Variants in LBR observed in about 807,000 individuals in gnomAD.
The protein encoded by LBR is delta(14)-sterol reductase LBR.
Under a neutral mutation model 74.3 loss-of-function variants are expected in LBR, and 28 were observed. That is an observed-to-expected ratio of 0.38 (90% CI 0.28 to 0.52). The LOEUF (loss-of-function observed/expected upper bound fraction) is 0.52. Ranked by LOEUF, LBR falls within the 20% of genes least tolerant of loss-of-function variation. The probability of loss-of-function intolerance (pLI) is 0.89; values close to 1 mark genes in which losing one functional copy is unlikely to be tolerated. For missense variants in LBR, 717 were observed against 760.3 expected, an observed-to-expected ratio of 0.94 and a Z score of 0.67; for synonymous variants, 228 against 269.3, an observed-to-expected ratio of 0.85 and a Z score of 1.50.
At chr1:225,419,634 T>C (rs769491218) in intron 4 of LBR, 81 bp downstream of exon 4, 10 of 1,100,244 alleles carry the variant, frequency 9.1e-6, no homozygotes, top group South Asian at 1.3e-5. Flanking sequence ...CAATTTTCAA[T>C]GTGCTTCTCA....
rs538103502 is a variant in LBR at position 225,417,980 on chromosome 1, G to A, written c.837+4C>T. The A allele has an allele frequency of 1.1e-4, 176 of 1,612,944 alleles. 1 individual carries two copies. The South Asian group carries it at 1.7e-3, about 15-fold the overall frequency. On this transcript the variant is annotated splice_donor_region_variant and intron_variant, in intron 6 of 13. Coordinates refer to ENST00000272163, the MANE Select transcript of LBR (RefSeq NM_002296.4). Reference sequence around the variant, plus strand: ...AAAACAAAACAGAATTACCATAAACGTACCTTTCCAATTGGCAGTAGGTAG... The same window carrying A: ...AAAACAAAACAGAATTACCATAAACATACCTTTCCAATTGGCAGTAGGTAG...
intron 8 of LBR, among the ~76,000 whole-genome samples, 178 bp downstream of exon 8, chr1:225,412,270 CAAAAAT>C (rs1188157616): frequency 6.6e-6 from 1 of 152,146 alleles, no homozygotes; most frequent in Non-Finnish European, 1.5e-5. Context: ...GAAGGTAAAA[CAAAAAT>C]ATTTTCTTCC....
chr1:225,403,142 A>C lies in LBR; in HGVS notation c.*161T>G, dbSNP rs2096084435. On this transcript the variant is annotated 3_prime_UTR_variant, in exon 14 of 14. Coordinates refer to ENST00000272163, the MANE Select transcript of LBR (RefSeq NM_002296.4). ...AGTTAATACAAGTAAACACGGCTAT[A>C]TTAAAAGATCAACTACTCGGCTCCA... is the stretch of plus-strand genomic sequence containing the variant. 1.6e-6 allele frequency: 1 copy of C among 641,844 alleles called. No homozygotes were observed. Among genetic ancestry groups the C allele is most frequent in the Non-Finnish European group, 2.7e-6 (1 of 365,438 alleles). 39.8% of individuals were successfully genotyped at this position (641,844 alleles called of 1,614,324 possible).
Position 225,406,736 on chromosome 1 carries a change from G to C in LBR, c.1411C>G (p.Gln471Glu). The C allele has an allele frequency of 2.5e-6, 4 of 1,614,126 alleles. No homozygotes were observed. The highest frequency in any genetic ancestry group is 3.4e-6 in the Non-Finnish European group (4 of 1,180,004). The change falls in exon 11 of 14, where the codon CAA (glutamine) becomes GAA (glutamate). Residue 471 changes from glutamine to glutamate, a missense_variant. Gln to Glu is a conservative substitution (Grantham distance 29, BLOSUM62 2). Transcript: ENST00000272163. Reference sequence around the variant, plus strand: ...GGATGACTGACTAAATAAAAGGCTTGGAAGCTGTAAATAAAGGGAACCCAC... The same window carrying C: ...GGATGACTGACTAAATAAAAGGCTTCGAAGCTGTAAATAAAGGGAACCCAC... Reference protein sequence around the residue: ...LVWVPFIYSFQAFYLVSHPNE... With the variant: ...LVWVPFIYSFEAFYLVSHPNE...
intron 11 of LBR, among the ~76,000 whole-genome samples, chr1:225,405,195 C>G (rs1234306105): frequency 6.6e-6 from 1 of 152,206 alleles, no homozygotes; most frequent in Non-Finnish European, 1.5e-5. Flanking sequence ...CCAAAACATC[C>G]TGCACTTTAA....
At chr1:225,413,855 C>A (rs940794275) in intron 7 of LBR, 1 of 417,382 alleles carries the variant, frequency 2.4e-6, no homozygotes, top group South Asian at 1.7e-5. Context: ...GCCACTCCCC[C>A]ACTGGCTCCA....
In LBR at chr1:225,403,430, A is replaced by G; in HGVS notation, c.1721T>C (p.Ile574Thr). Residue 574 changes from isoleucine (I) to threonine (T), a missense_variant, in exon 14 of 14, where the codon ATT becomes ACT. Physicochemically the swap from Ile to Thr is moderately conservative, Grantham distance 89. Coordinates refer to ENST00000272163, the MANE Select transcript of LBR (RefSeq NM_002296.4). ...FNHILPYFYI[I>T]YFTMLLVHRE... is the part of the protein sequence containing the mutation. ...GTGGACAAGCAACATGGTGAAATAA[A>G]TTATGTAGAAATAAGGCAGAATGTG... 5 of 1,613,014 alleles carry G rather than the reference A, an allele frequency of 3.1e-6. No homozygotes were observed. Among genetic ancestry groups the G allele is most frequent in the Non-Finnish European group, 4.2e-6 (5 of 1,179,006 alleles).
upstream of LBR, chr1:225,428,066 T>C (rs2150963545): frequency 6.6e-6 from 1 of 151,720 alleles, no homozygotes; most frequent in Admixed American, 6.6e-5. Flanking sequence ...CGCCCCGCAG[T>C]CCCGCAAGCC....
rs758598090 is a variant in LBR, at chr1:225,406,665, T to C, written c.1482A>G (p.Lys494=). ...WPMASLIIVL[K]LCGYVIFRGA... ...ACTGAGACTAAAATTAATACTCACG[T>C]TTCAGAACAATAATTAGAGAAGCCA... is the stretch of plus-strand genomic sequence containing the variant. Residue 494 remains lysine, a splice_region_variant and synonymous_variant, in exon 11 of 14, where the codon AAA becomes AAG. Transcript: ENST00000272163. The C allele has an allele frequency of 2.5e-6, 4 of 1,610,156 alleles. No homozygotes were observed. The East Asian group carries it at 8.9e-5, about 36-fold the overall frequency.
At chr1:225,424,202 T>C (rs1161718256) in intron 1 of LBR, 113 bp from the exon 2 acceptor site, 6 of 848,496 alleles carry the variant, frequency 7.1e-6, no homozygotes, top group Non-Finnish European at 1.2e-5. Context: ...TGGTCAGGAT[T>C]TTAGGGCCAG....
upstream of LBR, chr1:225,428,734 G>A (rs556039503): frequency 9.8e-5 from 15 of 152,332 alleles, no homozygotes; most frequent in African/African-American, 2.9e-4. Flanking sequence ...GTTGTTACCC[G>A]AGATGCTGTC....
chr1:225,420,234 C>T (rs907260018), intron 3 of LBR, among the ~76,000 whole-genome samples: 1 of 149,300 alleles, frequency 6.7e-6, no homozygotes, highest in Non-Finnish European at 1.5e-5. Context: ...CTCTTGAACC[C>T]GGAGACGGAG....
chr1:225,427,253 G>A (rs1361159185), intron 1 of LBR: 1 of 152,190 alleles, frequency 6.6e-6, no homozygotes, highest in African/African-American at 2.4e-5. Flanking sequence ...GCTGTCATTA[G>A]AACATTTTTC....
upstream of LBR, among the ~76,000 whole-genome samples, chr1:225,428,519 C>T (rs1373611435): frequency 1.3e-5 from 2 of 152,196 alleles, no homozygotes; most frequent in Non-Finnish European, 2.9e-5. Context: ...CGGTAAAACA[C>T]TATGAGTGCC....
chr1:225,405,526 G>A (rs1438619784), intron 11 of LBR, among the ~76,000 whole-genome samples: 1 of 152,120 alleles, frequency 6.6e-6, no homozygotes, highest in African/African-American at 2.4e-5. Context: ...TGTTATAAAA[G>A]TATGTTCAGC....
intron 6 of LBR, among the ~76,000 whole-genome samples, chr1:225,416,213 A>AAAGAGAG (rs1553397400): frequency 2.9e-5 from 4 of 137,860 alleles, no homozygotes; most frequent in African/African-American, 1.1e-4. Context: ...AAAAAAAAAA[A>AAAGAGAG]AGAGAGAGAG....
At chr1:225,416,186 G>A (rs2096116724) in intron 6 of LBR, among the ~76,000 whole-genome samples, 1 of 147,972 alleles carries the variant, frequency 6.8e-6, no homozygotes, top group Non-Finnish European at 1.5e-5. Context: ...AACAGAGCAA[G>A]ACCCTGTCTC....
At chr1:225,417,555 T>C (rs76081334) in intron 6 of LBR, 15,499 of 159,102 alleles carry the variant, frequency 0.097, 876 homozygotes, top group South Asian at 0.13. Context: ...TCGAGCCCAG[T>C]AGCCTATCAA....
intron 8 of LBR, 53 bp downstream of exon 8, chr1:225,412,398 GGCT>G (rs2096107670): frequency 6.6e-7 from 1 of 1,510,284 alleles, no homozygotes; most frequent in Non-Finnish European, 9.2e-7. Context: ...ATCTGGAAAT[GGCT>G]GCTGGAGGGC....
Sources: gnomAD v4.1 joint callset for allele counts (sites outside exome capture counted in the v4.1 genomes callset) on GRCh38, gnomAD v4.1.1 for gene constraint, MANE v1.5 for transcripts, NCBI Gene and HGNC (gene_info 2026-07-23, HGNC 2026-07-21) for gene names.